Variants in CEP57L1 observed in about 807,000 individuals in gnomAD.
CEP57L1 encodes the protein centrosomal protein 57 like 1, also known as centrosomal protein CEP57L1.
CEP57L1 carries 37 observed loss-of-function variants against 61.0 expected under a neutral mutation model. That is an observed-to-expected ratio of 0.61 (90% CI 0.47 to 0.80). The LOEUF (loss-of-function observed/expected upper bound fraction) is 0.80, where lower values mean the gene tolerates loss of function less well. Ranked by LOEUF, CEP57L1 falls within the 30% of genes least tolerant of loss-of-function variation. The pLI, the probability that CEP57L1 is intolerant of heterozygous loss-of-function variation, is 0.00. For synonymous variants in CEP57L1, 137 were observed against 162.3 expected, an observed-to-expected ratio of 0.84 and a Z score of 1.19; for missense variants, 422 against 524.7, an observed-to-expected ratio of 0.80 and a Z score of 1.91.
chr6:109,152,062 C>T (rs1455861159), intron 4 of CEP57L1, among the ~76,000 whole-genome samples: 1 of 152,134 alleles, frequency 6.6e-6, no homozygotes, highest in African/African-American at 2.4e-5. Flanking sequence ...AATAATTATT[C>T]TGTCCCACCT....
At chr6:109,099,040 G>T (rs1184629042) in intron 1 of CEP57L1, among the ~76,000 whole-genome samples, 1 of 152,198 alleles carries the variant, frequency 6.6e-6, no homozygotes, top group Non-Finnish European at 1.5e-5. Context: ...AAAATCTGCA[G>T]ATTTGTGAAT....
chr6:109,127,576 A>T (rs1773705803), intron 1 of CEP57L1, among the ~76,000 whole-genome samples: 2 of 143,428 alleles, frequency 1.4e-5, no homozygotes, highest in Non-Finnish European at 3.1e-5. Context: ...TTTTTCCTTC[A>T]CTTGTCTCCC....
intron 1 of CEP57L1, among the ~76,000 whole-genome samples, chr6:109,144,481 AT>A (rs1257132373): frequency 6.6e-6 from 1 of 152,180 alleles, no homozygotes; most frequent in African/African-American, 2.4e-5. Flanking sequence ...AAAAAATAGA[AT>A]ACATTTCTAA....
chr6:109,115,154 A>AT (rs1235934703), intron 1 of CEP57L1, among the ~76,000 whole-genome samples: 1 of 152,096 alleles, frequency 6.6e-6, no homozygotes, highest in African/African-American at 2.4e-5. Context: ...TCTATTGTTA[A>AT]TTTTTTATTC....
chr6:109,106,200 C>G (rs1470887202), intron 1 of CEP57L1: 1 of 152,322 alleles, frequency 6.6e-6, no homozygotes, highest in East Asian at 1.9e-4. Context: ...CATCCCCACC[C>G]CTAACCCAGG....
rs1300713292 is a variant in CEP57L1, at chr6:109,159,328, A to G, written c.882A>G (p.Arg294=). ...AACCTTTTAACGTGACTGAGACTAG[A>G]TGTCTCCCCAAGCCTTCTAGAACAA... The part of the protein sequence containing the change: ...LQKPFNVTET[R]CLPKPSRTTS... Residue 294 remains arginine, a synonymous_variant, in exon 9 of 11, where the codon AGA becomes AGG. Transcript: ENST00000517392. 2 of 1,614,098 alleles carry G rather than the reference A, an allele frequency of 1.2e-6. No homozygotes were observed. The highest frequency in any genetic ancestry group is 2.2e-5 in the South Asian group (2 of 91,076).
chr6:109,130,603 C>CTTTTTTTT (rs1292989571), intron 1 of CEP57L1: 6 of 124,384 alleles, frequency 4.8e-5, no homozygotes, highest in African/African-American at 1.5e-4. Context: ...GTGTGATTGT[C>CTTTTTTTT]TTTTTTTTTT....
chr6:109,095,476 G>C, upstream of CEP57L1: 1 of 985,810 alleles, frequency 1.0e-6, no homozygotes, highest in Non-Finnish European at 1.2e-6. Flanking sequence ...TTTTGTTTGC[G>C]ACAGAAACTA....
chr6:109,134,861 G>A (rs1486702994), intron 1 of CEP57L1, among the ~76,000 whole-genome samples: 1 of 152,178 alleles, frequency 6.6e-6, no homozygotes, highest in Non-Finnish European at 1.5e-5. Context: ...TACAAGGGAT[G>A]TGAAGGACCT....
At chr6:109,127,474 G>A (rs1198834727) in intron 1 of CEP57L1, among the ~76,000 whole-genome samples, 1 of 151,512 alleles carries the variant, frequency 6.6e-6, no homozygotes, top group Non-Finnish European at 1.5e-5. Context: ...GTAAATACTT[G>A]TTCTCACTTT....
At chr6:109,105,045 CTT>C (rs1029605770) in intron 1 of CEP57L1, among the ~76,000 whole-genome samples, 36 of 151,818 alleles carry the variant, frequency 2.4e-4, no homozygotes, top group Middle Eastern at 6.8e-3. Flanking sequence ...CCTTTTGTTC[CTT>C]TGTTAATTGA....
chr6:109,129,494 T>C, intron 1 of CEP57L1: 1 of 466,828 alleles, frequency 2.1e-6, no homozygotes, highest in South Asian at 1.5e-5. Flanking sequence ...CAGATGAAGG[T>C]AGAGTACTCT....
At chr6:109,106,554 G>C (rs1216176577) in intron 1 of CEP57L1, among the ~76,000 whole-genome samples, 1 of 152,106 alleles carries the variant, frequency 6.6e-6, no homozygotes, top group African/African-American at 2.4e-5. Context: ...CTAAGACTTT[G>C]AGTTTAACTT....
Position 109,159,371 on chromosome 6 carries a change from A to G in CEP57L1, c.925A>G (p.Ile309Val). ...PSRTTSWCKA[I>V]PPDSEKSISI... ...TAGAACAACTTCCTGGTGTAAAGCT[A>G]TTCCTCCTGACTCAGAAAAGTCCAT... Residue 309 changes from isoleucine (I) to valine (V), a missense_variant, in exon 9 of 11, where the codon ATT (isoleucine) becomes GTT (valine). Physicochemically the swap from Ile to Val is conservative, Grantham distance 29 (BLOSUM62 3). Coordinates refer to ENST00000517392, the MANE Select transcript of CEP57L1 (RefSeq NM_001271852.3). The G allele has an allele frequency of 6.2e-7, 1 of 1,614,052 alleles. No homozygotes were observed. The highest frequency in any genetic ancestry group is 2.2e-5 in the East Asian group (1 of 44,874).
intron 1 of CEP57L1, among the ~76,000 whole-genome samples, chr6:109,126,958 G>A (rs1773617897): frequency 6.6e-6 from 1 of 152,136 alleles, no homozygotes; most frequent in East Asian, 1.9e-4. Context: ...ACAAGGTCAA[G>A]AGATCAAGAC....
chr6:109,117,675 T>C (rs1190609643), intron 1 of CEP57L1, among the ~76,000 whole-genome samples: 6 of 152,156 alleles, frequency 3.9e-5, no homozygotes, highest in African/African-American at 1.4e-4. Flanking sequence ...GCAAACAGTA[T>C]TGGAATTGAA....
intron 10 of CEP57L1, among the ~76,000 whole-genome samples, chr6:109,161,219 G>C (rs756248258): frequency 6.6e-6 from 1 of 152,130 alleles, no homozygotes; most frequent in Non-Finnish European, 1.5e-5. Flanking sequence ...TAGCTATAGT[G>C]AGTAGAACAG....
chr6:109,125,492 C>CTA lies in CEP57L1; in HGVS notation c.-3-19712_-3-19711dup, dbSNP rs3081793. Reference sequence around the variant, plus strand: ...TCTGAGTGCCATTAGTTTTTAAATGCTATATATATATATATACATATATAT... The same window carrying CTA: ...TCTGAGTGCCATTAGTTTTTAAATGCTATATATATATATATATACATATATAT... On this transcript the variant is annotated intron_variant, in intron 1 of 10. Coordinates refer to ENST00000517392, the MANE Select transcript of CEP57L1 (RefSeq NM_001271852.3). 2.1e-3 allele frequency among the ~76,000 whole-genome samples: 295 copies of CTA among 142,980 alleles called. 1 individual carries two copies. The highest frequency in any genetic ancestry group is 0.015 in the East Asian group (76 of 4,998). 93.8% of individuals were successfully genotyped at this position (142,980 alleles called of 152,430 possible).
rs753456747 is a variant in CEP57L1, at chr6:109,163,187, G to A, written c.*217G>A. On this transcript the variant is annotated 3_prime_UTR_variant, in exon 11 of 11. Transcript: ENST00000517392. ...TTATTTTTCTTATTGATTGAAGCCC[G>A]TAACCTCATCTTGTCTTAGAAACAT... 4.1e-5 allele frequency: 17 copies of A among 418,430 alleles called. No individual in the cohort carries two copies. Among genetic ancestry groups the A allele is most frequent in the South Asian group, 1.7e-4 (5 of 30,224 alleles). 25.9% of individuals were successfully genotyped at this position (418,430 alleles called of 1,614,324 possible).
Sources: allele counts gnomAD v4.1 joint callset (sites outside exome capture counted in the v4.1 genomes callset), GRCh38; gene constraint gnomAD v4.1.1; transcripts MANE v1.5; gene names NCBI Gene and HGNC (gene_info 2026-07-23, HGNC 2026-07-21).